Variants in TAAR5 observed in about 807,000 individuals in gnomAD.
The protein encoded by TAAR5 is trace amine-associated receptor 5.
Under a neutral mutation model 21.1 loss-of-function variants are expected in TAAR5, and 27 were observed. The ratio of observed to expected loss-of-function variants is 1.28; its 90% confidence interval spans 0.94 to 1.76. The LOEUF (loss-of-function observed/expected upper bound fraction) is 1.76. Among genes scored for constraint, TAAR5 ranks in the 40% most tolerant of loss-of-function variants. The pLI is 0.00. For synonymous variants in TAAR5, 203 were observed against 167.5 expected (o/e 1.21, Z -1.64); for missense variants, 495 against 405.6 (o/e 1.22, Z -1.89).
the TAAR5 span, among the ~76,000 whole-genome samples, chr6:132,596,030 G>A: frequency 1.3e-5 from 2 of 152,060 alleles, no homozygotes; most frequent in African/African-American, 4.8e-5. Flanking sequence ...AGAGTTTTGA[G>A]CTATATTATG....
Position 132,589,260 on chromosome 6 carries a change from G to A in TAAR5, c.427C>T (p.Pro143Ser), listed in dbSNP as rs1054812130. The change falls in exon 1 of 1, where the codon CCC (proline) becomes TCC (serine). Residue 143 changes from proline to serine, a missense_variant. Coordinates refer to ENST00000258034, the MANE Select transcript of TAAR5 (RefSeq NM_003967.3). The part of the protein sequence containing the change: ...HCAICDPLLY[P>S]SKFTVRVALR... ...GCCACCCTCACTGTGAACTTGGAGGGATAGAGCAGGGGGTCACAGATGGCA... is the reference window on the plus strand; with the variant it reads ...GCCACCCTCACTGTGAACTTGGAGGAATAGAGCAGGGGGTCACAGATGGCA... The A allele has an allele frequency of 1.2e-6, 2 of 1,609,614 alleles. No homozygotes were observed. Among genetic ancestry groups the A allele is most frequent in the East Asian group, 2.2e-5 (1 of 44,826 alleles).
chr6:132,605,097 T>A, the TAAR5 span, among the ~76,000 whole-genome samples: 1 of 152,226 alleles, frequency 6.6e-6, no homozygotes, highest in Non-Finnish European at 1.5e-5. Flanking sequence ...AATGGTAAAC[T>A]GTCATCTGAA....
upstream of TAAR5, among the ~76,000 whole-genome samples, chr6:132,591,268 C>A (rs765777146): frequency 6.6e-6 from 1 of 152,268 alleles, no homozygotes. Context: ...ATCTTAGAAG[C>A]TGGTATGCCT....
chr6:132,594,272 G>A (rs1776945894), upstream of TAAR5: 1 of 152,100 alleles, frequency 6.6e-6, no homozygotes, highest in Non-Finnish European at 1.5e-5. Flanking sequence ...CTACCTAGAT[G>A]TTCACTACGC....
chr6:132,614,347 T>C, the TAAR5 span, among the ~76,000 whole-genome samples: 1 of 152,262 alleles, frequency 6.6e-6, no homozygotes, highest in Non-Finnish European at 1.5e-5. Context: ...TATAAAAATT[T>C]ACCAACCTTG....
the TAAR5 span, among the ~76,000 whole-genome samples, chr6:132,599,876 CAGG>C: frequency 6.6e-6 from 1 of 151,964 alleles, no homozygotes; most frequent in Non-Finnish European, 1.5e-5. Flanking sequence ...AGGGTCCAGT[CAGG>C]AGAATAGAAT....
the TAAR5 span, among the ~76,000 whole-genome samples, chr6:132,610,375 T>C: frequency 6.6e-6 from 1 of 152,096 alleles, no homozygotes; most frequent in African/African-American, 2.4e-5. Context: ...TGTTGAATTC[T>C]CCCAAGCTAT....
the TAAR5 span, among the ~76,000 whole-genome samples, chr6:132,608,001 C>T: frequency 6.6e-6 from 1 of 152,124 alleles, no homozygotes; most frequent in South Asian, 2.1e-4. Flanking sequence ...CGTACATTTT[C>T]CCTACCAGTC....
upstream of TAAR5, among the ~76,000 whole-genome samples, chr6:132,590,446 A>G (rs1776889801): frequency 6.6e-6 from 1 of 152,272 alleles, no homozygotes; most frequent in Non-Finnish European, 1.5e-5. Context: ...TCTGTGAATT[A>G]TTAACCAAGT....
At chr6:132,593,685 A>G (rs144589382), upstream of TAAR5, among the ~76,000 whole-genome samples, 773 of 152,338 alleles carry the variant, frequency 5.1e-3, 7 homozygotes, top group African/African-American at 0.018. Context: ...ACATGGACGC[A>G]TCCCCACTAT....
chr6:132,614,405 T>C, the TAAR5 span, among the ~76,000 whole-genome samples: 2,219 of 152,356 alleles, frequency 0.015, 61 homozygotes, highest in African/African-American at 0.052. Flanking sequence ...CAGAAAATTA[T>C]AATGATTGTT....
rs561477477 is a variant in TAAR5, at chr6:132,589,213, T to G, written c.474A>C (p.Gly158=). The change falls in exon 1 of 1, where the codon GGA becomes GGC. Residue 158 remains glycine, a synonymous_variant. Coordinates refer to ENST00000258034, the MANE Select transcript of TAAR5 (RefSeq NM_003967.3). Reference sequence around the variant, plus strand: ...AAGTGTATGCTGCGGGCACCCCCCATCCTGCCAGGATGTACCTGAGAGCCA... The same window carrying G: ...AAGTGTATGCTGCGGGCACCCCCCAGCCTGCCAGGATGTACCTGAGAGCCA... ...VRVALRYILA[G]WGVPAAYTSL... The G allele has an allele frequency of 1.2e-6, 2 of 1,605,518 alleles. No individual in the cohort carries two copies. Among genetic ancestry groups the G allele is most frequent in the South Asian group, 2.2e-5 (2 of 89,004 alleles).
At chr6:132,594,103 A>G (rs1161589754), upstream of TAAR5, among the ~76,000 whole-genome samples, 1 of 152,210 alleles carries the variant, frequency 6.6e-6, no homozygotes, top group Non-Finnish European at 1.5e-5. Flanking sequence ...TCTCTATATG[A>G]TTTAAGCCAA....
chr6:132,611,663 A>G, the TAAR5 span, among the ~76,000 whole-genome samples: 1 of 152,184 alleles, frequency 6.6e-6, no homozygotes, highest in African/African-American at 2.4e-5. Context: ...ATTTGAGGAA[A>G]TAGCGGAAGC....
chr6:132,596,309 A>T, the TAAR5 span, among the ~76,000 whole-genome samples: 1 of 152,154 alleles, frequency 6.6e-6, no homozygotes, highest in African/African-American at 2.4e-5. Context: ...AAATAATGGG[A>T]CTGACTTATC....
the TAAR5 span, among the ~76,000 whole-genome samples, chr6:132,600,200 G>A: frequency 1.3e-5 from 2 of 152,174 alleles, no homozygotes; most frequent in African/African-American, 4.8e-5. Flanking sequence ...TCCCTTTATA[G>A]AGGCAAATTA....
At chr6:132,613,831 G>A in the TAAR5 span, among the ~76,000 whole-genome samples, 2 of 152,280 alleles carry the variant, frequency 1.3e-5, no homozygotes, top group East Asian at 3.9e-4. Flanking sequence ...GCAAGCATTT[G>A]TACATGTGCT....
the TAAR5 span, among the ~76,000 whole-genome samples, chr6:132,610,908 C>T: frequency 1.3e-5 from 2 of 151,908 alleles, no homozygotes; most frequent in South Asian, 2.1e-4. Context: ...GTGAATCATT[C>T]GTAACAGAAA....
the TAAR5 span, among the ~76,000 whole-genome samples, chr6:132,605,032 A>G: frequency 1.3e-5 from 2 of 152,178 alleles, no homozygotes; most frequent in African/African-American, 4.8e-5. Flanking sequence ...GTTGCCTGGG[A>G]TAAGTACCCG....
Sources: allele counts gnomAD v4.1 joint callset (sites outside exome capture counted in the v4.1 genomes callset), GRCh38; gene constraint gnomAD v4.1.1; transcripts MANE v1.5; gene names NCBI Gene and HGNC (gene_info 2026-07-23, HGNC 2026-07-21).